Variants in IRAK3 observed in about 807,000 individuals in gnomAD.
IRAK3 encodes interleukin-1 receptor-associated kinase 3.
A neutral mutation model predicts 56.6 loss-of-function variants in IRAK3; 57 were observed. The observed-to-expected ratio is 1.01, with a 90% CI of 0.81 to 1.26. The LOEUF is 1.26. Among genes scored for constraint, IRAK3 ranks in the 50% most tolerant of loss-of-function variants. IRAK3 has a pLI of 0.00. For synonymous variants in IRAK3, 258 were observed against 255.7 expected (o/e 1.01, Z -0.09); for missense variants, 703 against 719.0 (o/e 0.98, Z 0.25).
chr12:66,234,826 T>G, intron 8 of IRAK3: 7 of 1,604,226 alleles, frequency 4.4e-6, no homozygotes, highest in Non-Finnish European at 6.0e-6. Context: ...TATTTTCTAG[T>G]TCTTGCTTAT....
At chr12:66,243,653 A>G (rs559739787) in intron 8 of IRAK3, among the ~76,000 whole-genome samples, 11 of 152,330 alleles carry the variant, frequency 7.2e-5, no homozygotes, top group South Asian at 2.1e-4. Flanking sequence ...TCCCCCTGCC[A>G]GAGTTCTGTT....
At chr12:66,219,046 G>GTA (rs1565804980) in intron 6 of IRAK3, among the ~76,000 whole-genome samples, 11 of 151,228 alleles carry the variant, frequency 7.3e-5, no homozygotes, top group African/African-American at 2.7e-4. Context: ...GTGTGTGTGT[G>GTA]TGTATGTGTG....
intron 8 of IRAK3, among the ~76,000 whole-genome samples, chr12:66,239,713 C>G (rs547624757): frequency 2.8e-4 from 43 of 152,286 alleles, no homozygotes; most frequent in South Asian, 8.3e-4. Context: ...TGCCTCCCCT[C>G]TTCTAAAATA....
intron 6 of IRAK3, among the ~76,000 whole-genome samples, chr12:66,223,818 A>G (rs1396773910): frequency 4.0e-5 from 6 of 150,706 alleles, no homozygotes; most frequent in Non-Finnish European, 4.4e-5. Context: ...GGTTCACGCC[A>G]TTCTTCTGCC....
chr12:66,195,692 T>A (rs2052444343), intron 1 of IRAK3, among the ~76,000 whole-genome samples: 2 of 152,206 alleles, frequency 1.3e-5, no homozygotes, highest in Non-Finnish European at 2.9e-5. Flanking sequence ...GGAGTTTCGC[T>A]TTTGTTGCAC....
chr12:66,197,710 C>G, intron 1 of IRAK3: 1 of 985,376 alleles, frequency 1.0e-6, no homozygotes, highest in Non-Finnish European at 1.2e-6. Flanking sequence ...AGATGTGATG[C>G]AAACTCAGAA....
chr12:66,211,114 T>A (rs1367533700), intron 4 of IRAK3, among the ~76,000 whole-genome samples: 6 of 152,220 alleles, frequency 3.9e-5, no homozygotes, highest in African/African-American at 1.4e-4. Flanking sequence ...TAGTTTTAGG[T>A]TCATAGTGGG....
At chr12:66,225,713 G>A (rs1401582603) in intron 6 of IRAK3, among the ~76,000 whole-genome samples, 2 of 151,550 alleles carry the variant, frequency 1.3e-5, no homozygotes, top group African/African-American at 4.9e-5. Context: ...GAGGAATAGA[G>A]TTTTTGTTAA....
In IRAK3 at chr12:66,197,683, C is replaced by T. The variant is rs1006353275; in HGVS notation, c.134-6028C>T. 5.1e-6 allele frequency: 5 copies of T among 985,292 alleles called. No individual in the cohort carries two copies. The African/African-American group carries it at 8.7e-5, about 17-fold the overall frequency. The allele number at this position is 985,292 out of a possible 1,614,324, so 61.0% of individuals were successfully genotyped here. ...CTGCTATTAGAAAAAATGCCTTTGT[C>T]TAATCTAGCTTTCCTTAGATGTGAT... On this transcript the variant is annotated intron_variant, in intron 1 of 11. Coordinates refer to ENST00000261233, the MANE Select transcript of IRAK3 (RefSeq NM_007199.3).
chr12:66,210,845 A>G (rs1194502715), intron 4 of IRAK3, among the ~76,000 whole-genome samples: 2 of 152,198 alleles, frequency 1.3e-5, no homozygotes, highest in Non-Finnish European at 2.9e-5. Flanking sequence ...TGTATTAGCT[A>G]TGGAAATATA....
At chr12:66,200,193 T>G (rs2052493336) in intron 1 of IRAK3, among the ~76,000 whole-genome samples, 1 of 152,216 alleles carries the variant, frequency 6.6e-6, no homozygotes, top group Admixed American at 6.5e-5. Flanking sequence ...GTAACAAAAT[T>G]CAAGATATGA....
At position 66,249,676 on chromosome 12, in the gene IRAK3, C is replaced by T. The variant is rs2053076259; in HGVS notation, c.*1505C>T. On this transcript the variant is annotated 3_prime_UTR_variant, in exon 12 of 12. Coordinates refer to ENST00000261233, the MANE Select transcript of IRAK3 (RefSeq NM_007199.3). ...TAGAGGCCACCTGCCTTCTTTGGCT[C>T]ATGGCCTCTTCCTCCGTCTTCAAAG... is the stretch of plus-strand genomic sequence containing the variant. 6.6e-6 allele frequency: 1 copy of T among 152,670 alleles called. No homozygotes were observed. The highest frequency in any genetic ancestry group is 2.4e-5 in the African/African-American group (1 of 41,448). The allele number at this position is 152,670 out of a possible 1,614,324, so 9.5% of individuals were successfully genotyped here.
intron 1 of IRAK3, among the ~76,000 whole-genome samples, chr12:66,194,701 T>A (rs1215173246): frequency 6.6e-6 from 1 of 151,666 alleles, no homozygotes; most frequent in Non-Finnish European, 1.5e-5. Flanking sequence ...TGGTGGCAGG[T>A]GCCTGTAATC....
At chr12:66,234,488 C>G in intron 8 of IRAK3, 1 of 1,611,712 alleles carries the variant, frequency 6.2e-7, no homozygotes, top group Non-Finnish European at 8.5e-7. Flanking sequence ...AGGATAAAAT[C>G]CGTTTTGTAT....
intron 6 of IRAK3, among the ~76,000 whole-genome samples, chr12:66,218,080 C>A (rs1804021275): frequency 6.6e-6 from 1 of 152,068 alleles, no homozygotes; most frequent in South Asian, 2.1e-4. Flanking sequence ...AAAGCATAGA[C>A]CAGGAAAAGA....
intron 6 of IRAK3, among the ~76,000 whole-genome samples, chr12:66,224,151 T>G (rs2052763310): frequency 6.6e-6 from 1 of 152,238 alleles, no homozygotes; most frequent in South Asian, 2.1e-4. Context: ...CTGTTTCAAG[T>G]GCTTTACATG....
In IRAK3 at chr12:66,241,637, C is replaced by T. The variant is rs140522154; in HGVS notation, c.888-2849C>T. On this transcript the variant is annotated intron_variant, in intron 8 of 11. Coordinates refer to ENST00000261233, the MANE Select transcript of IRAK3 (RefSeq NM_007199.3). Reference sequence around the variant, plus strand: ...AGCTACCGCTAACCTTTATTTAGAACAGAATAAATCACTGGACTCAAAATT... The same window carrying T: ...AGCTACCGCTAACCTTTATTTAGAATAGAATAAATCACTGGACTCAAAATT... Among the ~76,000 whole-genome samples, 114 of 152,292 alleles carry T rather than the reference C, an allele frequency of 7.5e-4. 1 individual carries two copies. In the East Asian group the frequency reaches 0.016, roughly 22 times the overall value.
At chr12:66,235,289 G>A (rs143278839) in intron 8 of IRAK3, 85,912 of 1,365,946 alleles carry the variant, frequency 0.063, 2,983 homozygotes, top group African/African-American at 0.14. Context: ...GAAGATCATC[G>A]CTGCGGGCCG....
At position 66,203,695 on chromosome 12, in the gene IRAK3, A is replaced by G. The variant is rs1285112013; in HGVS notation, c.134-16A>G. 2 of 1,612,436 alleles carry G rather than the reference A, an allele frequency of 1.2e-6. No individual in the cohort carries two copies. The highest frequency in any genetic ancestry group is 2.2e-5 in the South Asian group (2 of 91,050). ...GTACAGTAAACAATTCTTTGTTTATATTGCAATTTCCACAGCAGAGAGACT... is the reference window on the plus strand; with the variant it reads ...GTACAGTAAACAATTCTTTGTTTATGTTGCAATTTCCACAGCAGAGAGACT... On this transcript the variant is annotated splice_polypyrimidine_tract_variant and intron_variant, in intron 1 of 11. Transcript: ENST00000261233.
Sources: allele counts gnomAD v4.1 joint callset (sites outside exome capture counted in the v4.1 genomes callset), GRCh38; gene constraint gnomAD v4.1.1; transcripts MANE v1.5; gene names NCBI Gene and HGNC (gene_info 2026-07-23, HGNC 2026-07-21).